The following MARCHF1 variants were observed in gnomAD, a reference collection of about 807,000 sequenced individuals.
MARCHF1 encodes the protein membrane associated ring-CH-type finger 1.
A neutral mutation model predicts 54.2 loss-of-function variants in MARCHF1; 40 were observed. The ratio of observed to expected loss-of-function variants is 0.74; its 90% CI spans 0.57 to 0.96. The LOEUF is 0.96. Among genes scored for constraint, MARCHF1 ranks in the 40% least tolerant of loss-of-function variants. MARCHF1 has a pLI of 0.00. For missense variants in MARCHF1, 586 were observed against 656.5 expected, an observed-to-expected ratio of 0.89 and a Z score of 1.17; for synonymous variants, 236 against 236.3, an observed-to-expected ratio of 1.00 and a Z score of 0.01.
chr4:164,277,194 G>A (rs1179371741), intron 1 of MARCHF1, among the ~76,000 whole-genome samples: 1 of 151,814 alleles, frequency 6.6e-6, no homozygotes, highest in African/African-American at 2.4e-5. Flanking sequence ...AGTAAACATT[G>A]CAGTCCATTA....
At chr4:164,075,219 T>G (rs1296968806) in intron 2 of MARCHF1, among the ~76,000 whole-genome samples, 5 of 152,192 alleles carry the variant, frequency 3.3e-5, no homozygotes, top group Non-Finnish European at 5.9e-5. Context: ...AGTAAGAAAT[T>G]ATTGAGCTTC....
chr4:163,859,944 C>T (rs1749877780), intron 3 of MARCHF1, among the ~76,000 whole-genome samples: 1 of 152,156 alleles, frequency 6.6e-6, no homozygotes, highest in African/African-American at 2.4e-5. Flanking sequence ...ACTCAGCACA[C>T]AGCTTGGGCC....
rs915668980 is a variant in MARCHF1, at chr4:164,350,228, A to G, written c.-323+33642T>C. 2.6e-5 allele frequency among the ~76,000 whole-genome samples: 4 copies of G among 152,182 alleles called. No homozygotes were observed. The East Asian group carries it at 5.8e-4, about 22-fold the overall frequency. On this transcript the variant is annotated intron_variant, in intron 1 of 9. Coordinates refer to ENST00000514618, the MANE Select transcript of MARCHF1 (RefSeq NM_001394959.1). ...TGCTGACTCACTGTGCAAAAAGTCT[A>G]TGTTTAAAATCAGGTGTGCCATCAG...
intron 1 of MARCHF1, among the ~76,000 whole-genome samples, chr4:164,151,259 G>GA (rs1025076138): frequency 2.0e-5 from 3 of 152,112 alleles, no homozygotes; most frequent in Non-Finnish European, 4.4e-5. Context: ...GTTCTAAGGA[G>GA]AAAAAACATT....
intron 2 of MARCHF1, among the ~76,000 whole-genome samples, chr4:164,009,186 C>T (rs1482181497): frequency 6.6e-6 from 1 of 151,906 alleles, no homozygotes; most frequent in Admixed American, 6.6e-5. Context: ...CAACTACACA[C>T]CAATAACTTA....
At chr4:164,316,843 T>C (rs1735013982) in intron 1 of MARCHF1, among the ~76,000 whole-genome samples, 1 of 152,074 alleles carries the variant, frequency 6.6e-6, no homozygotes, top group Admixed American at 6.6e-5. Context: ...TGTTTAAAAG[T>C]ATATAGCACC....
At chr4:163,909,760 G>A (rs1012286645) in intron 3 of MARCHF1, among the ~76,000 whole-genome samples, 9 of 152,084 alleles carry the variant, frequency 5.9e-5, no homozygotes, top group African/African-American at 2.2e-4. Context: ...AGCTTAAATT[G>A]CTTGAGTTCA....
At chr4:163,635,886 C>T (rs1286618887) in intron 5 of MARCHF1, among the ~76,000 whole-genome samples, 2 of 152,154 alleles carry the variant, frequency 1.3e-5, no homozygotes, top group Non-Finnish European at 2.9e-5. Flanking sequence ...CATCAAAAAG[C>T]TTATCCACCA....
chr4:163,929,947 T>A (rs1466348876), intron 3 of MARCHF1, among the ~76,000 whole-genome samples: 3 of 5,624 alleles, frequency 5.3e-4, no homozygotes, highest in African/African-American at 5.8e-4. Flanking sequence ...ATATTTATAT[T>A]ATATATATTA....
chr4:164,169,021 C>G (rs1008200799), intron 1 of MARCHF1, among the ~76,000 whole-genome samples: 1 of 151,876 alleles, frequency 6.6e-6, no homozygotes, highest in African/African-American at 2.4e-5. Flanking sequence ...ATCTAATGTA[C>G]AAAATGAAGA....
chr4:164,218,637 G>A (rs745432502), intron 1 of MARCHF1, among the ~76,000 whole-genome samples: 6 of 148,658 alleles, frequency 4.0e-5, no homozygotes, highest in Non-Finnish European at 8.9e-5. Context: ...ACTCATAGGT[G>A]GGAATTGAAC....
rs572378330 is a variant in MARCHF1 at position 163,603,179 on chromosome 4, T to C, written c.1010+9092A>G. On this transcript the variant is annotated intron_variant, in intron 7 of 9. Transcript: ENST00000514618. ...AAGGGAAGTGTAATTTTTTTTTCTC[T>C]AAATAAATGTTGAGAGCAAAGCTAC... 2.0e-5 allele frequency among the ~76,000 whole-genome samples: 3 copies of C among 152,174 alleles called. No homozygotes were observed. The South Asian group carries it at 6.2e-4, about 32-fold the overall frequency.
Position 164,081,071 on chromosome 4 carries a change from G to A in MARCHF1, c.-248+30517C>T, listed in dbSNP as rs1043491873. On this transcript the variant is annotated intron_variant, in intron 2 of 9. Coordinates refer to ENST00000514618, the MANE Select transcript of MARCHF1 (RefSeq NM_001394959.1). ...AAAATACAAAAAATTAGCCGGGAGC[G>A]GTGGCGGGCTCCTGTAGTCCCAGCT... 4.7e-5 allele frequency among the ~76,000 whole-genome samples: 7 copies of A among 147,908 alleles called. No individual in the cohort carries two copies. In the East Asian group the frequency reaches 9.8e-4, roughly 21 times the overall value.
At chr4:163,733,960 A>G (rs6814421) in intron 4 of MARCHF1, among the ~76,000 whole-genome samples, 56,874 of 151,924 alleles carry the variant, frequency 0.37, 10,886 homozygotes, top group Middle Eastern at 0.45. Context: ...GCTCAATAAT[A>G]AGAGAATAAA....
intron 8 of MARCHF1, among the ~76,000 whole-genome samples, chr4:163,546,425 C>A (rs1051543207): frequency 6.6e-6 from 1 of 152,178 alleles, no homozygotes; most frequent in African/African-American, 2.4e-5. Context: ...TAAAAACTTC[C>A]TTTTCAGGAT....
chr4:164,314,406 G>T (rs1340272589), intron 1 of MARCHF1, among the ~76,000 whole-genome samples: 1 of 152,168 alleles, frequency 6.6e-6, no homozygotes, highest in East Asian at 1.9e-4. Context: ...CCAATGTGAA[G>T]GGTTTCACTG....
intron 1 of MARCHF1, among the ~76,000 whole-genome samples, chr4:164,200,360 C>T (rs572117730): frequency 7.9e-5 from 12 of 152,272 alleles, no homozygotes; most frequent in Admixed American, 3.3e-4. Context: ...ATATCTAAGA[C>T]GCACTTCTCT....
chr4:163,941,814 A>ACTTAC (rs558593403), intron 3 of MARCHF1, among the ~76,000 whole-genome samples: 2 of 152,202 alleles, frequency 1.3e-5, no homozygotes, highest in African/African-American at 2.4e-5. Flanking sequence ...TTAAAACGGC[A>ACTTAC]TATAGTAAGT....
intron 4 of MARCHF1, among the ~76,000 whole-genome samples, chr4:163,753,626 C>T (rs189203083): frequency 5.9e-5 from 9 of 152,052 alleles, no homozygotes; most frequent in Admixed American, 1.3e-4. Context: ...GACCTAAAGA[C>T]GGGAGCTGAA....
Sources: allele counts gnomAD v4.1 joint callset (sites outside exome capture counted in the v4.1 genomes callset), GRCh38; gene constraint gnomAD v4.1.1; transcripts MANE v1.5; gene names NCBI Gene and HGNC (gene_info 2026-07-23, HGNC 2026-07-21).